CNTN1: variants seen among roughly 807,000 people sequenced by gnomAD.
CNTN1 encodes contactin 1, also known as contactin-1.
CNTN1 carries 38 observed loss-of-function variants against 126.4 expected under a neutral mutation model. The observed-to-expected ratio is 0.30, with a 90% CI of 0.23 to 0.39. The LOEUF (loss-of-function observed/expected upper bound fraction) is 0.39. Among genes scored for constraint, CNTN1 ranks in the 10% least tolerant of loss-of-function variants. The pLI, the probability that CNTN1 is intolerant of heterozygous loss-of-function variation, is 1.00. For missense variants in CNTN1, 1,009 were observed against 1,248.4 expected (o/e 0.81, Z 2.89); for synonymous variants, 413 against 422.6 (o/e 0.98, Z 0.28).
chr12:41,014,330 T>C, intron 18 of CNTN1, 32 bp downstream of exon 18: 6 of 1,606,490 alleles, frequency 3.7e-6, no homozygotes, highest in Non-Finnish European at 5.1e-6. Context: ...ATATTATAGG[T>C]TGCTGTATCT....
chr12:40,871,407 T>G (rs1274619890), intron 1 of CNTN1, among the ~76,000 whole-genome samples: 1 of 152,070 alleles, frequency 6.6e-6, no homozygotes, highest in East Asian at 1.9e-4. Context: ...TAAGCAATTT[T>G]ATAGAGAGTA....
chr12:40,969,120 C>G (rs1242542605), intron 15 of CNTN1, among the ~76,000 whole-genome samples: 1 of 152,112 alleles, frequency 6.6e-6, no homozygotes, highest in African/African-American at 2.4e-5. Flanking sequence ...ACGTAAAATC[C>G]CTTTCGAGCA....
intron 1 of CNTN1, among the ~76,000 whole-genome samples, chr12:40,843,512 T>C (rs1048907176): frequency 7.9e-5 from 12 of 152,208 alleles, no homozygotes; most frequent in Admixed American, 7.9e-4. Flanking sequence ...TCCCCAACAT[T>C]TGGCACATTG....
intron 1 of CNTN1, among the ~76,000 whole-genome samples, chr12:40,816,185 C>A (rs1244052801): frequency 6.6e-6 from 1 of 152,154 alleles, no homozygotes; most frequent in Non-Finnish European, 1.5e-5. Context: ...AGGGAGGAGT[C>A]CCTCCTTTTC....
intron 1 of CNTN1, chr12:40,828,341 A>G (rs1266557510): frequency 1.3e-5 from 2 of 152,164 alleles, no homozygotes; most frequent in African/African-American, 4.8e-5. Context: ...GTAATTGTAA[A>G]CTAGAATATG....
intron 1 of CNTN1, among the ~76,000 whole-genome samples, chr12:40,701,639 C>T (rs1040269125): frequency 8.6e-5 from 13 of 151,864 alleles, no homozygotes; most frequent in African/African-American, 3.1e-4. Flanking sequence ...TTTGTAAATG[C>T]CTAATGGATT....
Position 40,961,045 on chromosome 12 carries a change from C to T in CNTN1, c.1804+1811C>T, listed in dbSNP as rs577895695. On this transcript the variant is annotated intron_variant, in intron 15 of 23. Coordinates refer to ENST00000551295, the MANE Select transcript of CNTN1 (RefSeq NM_001843.4). The stretch of plus-strand genomic sequence containing the variant: ...ATGAAATGCAAGGGTAGTCATGATA[C>T]TAGCCACACATACTTAGGTAATTAA... 7.2e-5 allele frequency among the ~76,000 whole-genome samples: 11 copies of T among 152,032 alleles called. No homozygotes were observed. In the South Asian group the frequency reaches 2.3e-3, roughly 32 times the overall value.
chr12:40,925,529 T>TAG (rs1555181750), intron 6 of CNTN1, among the ~76,000 whole-genome samples: 1 of 141,274 alleles, frequency 7.1e-6, no homozygotes, highest in Non-Finnish European at 1.5e-5. Context: ...CCACATGAAA[T>TAG]TGTGTGTGTG....
At chr12:40,783,758 CTCT>C (rs968662291) in intron 1 of CNTN1, among the ~76,000 whole-genome samples, 6 of 152,254 alleles carry the variant, frequency 3.9e-5, no homozygotes, top group African/African-American at 1.4e-4. Context: ...AGAAGGGAAA[CTCT>C]TCTTATGCTA....
chr12:40,890,850 G>A (rs1944216201), intron 1 of CNTN1, among the ~76,000 whole-genome samples: 1 of 152,090 alleles, frequency 6.6e-6, no homozygotes. Context: ...CAACTTCTTT[G>A]TGTAAATACT....
intron 11 of CNTN1, among the ~76,000 whole-genome samples, chr12:40,938,774 T>C (rs1412613144): frequency 6.6e-6 from 1 of 152,104 alleles, no homozygotes; most frequent in East Asian, 1.9e-4. Context: ...TTGATTGAAA[T>C]TGAAGTTATT....
At chr12:41,003,849 A>G (rs1948424653) in intron 17 of CNTN1, among the ~76,000 whole-genome samples, 1 of 151,486 alleles carries the variant, frequency 6.6e-6, no homozygotes, top group South Asian at 2.1e-4. Context: ...TCTTTTCTTC[A>G]TTAGTCTAGT....
chr12:40,821,541 A>G (rs1300151491), intron 1 of CNTN1, among the ~76,000 whole-genome samples: 1 of 152,154 alleles, frequency 6.6e-6, no homozygotes, highest in African/African-American at 2.4e-5. Flanking sequence ...ATGGAGATTA[A>G]ATTGCAATTA....
intron 17 of CNTN1, among the ~76,000 whole-genome samples, chr12:41,004,813 G>T (rs1462678833): frequency 6.6e-6 from 1 of 152,012 alleles, no homozygotes; most frequent in Non-Finnish European, 1.5e-5. Context: ...TTATTTTGAG[G>T]CTATGAGTGT....
chr12:40,871,256 T>C (rs1049135119), intron 1 of CNTN1, among the ~76,000 whole-genome samples: 3 of 150,504 alleles, frequency 2.0e-5, no homozygotes, highest in African/African-American at 4.9e-5. Context: ...GGGTATGGTA[T>C]TCTGTGCTAT....
intron 12 of CNTN1, among the ~76,000 whole-genome samples, chr12:40,941,693 T>C (rs1240557827): frequency 3.3e-5 from 5 of 152,092 alleles, no homozygotes; most frequent in Middle Eastern, 3.2e-3. Flanking sequence ...AAACCACTTA[T>C]AGGAAGGGAT....
intron 1 of CNTN1, among the ~76,000 whole-genome samples, chr12:40,730,286 G>A (rs981501991): frequency 6.6e-6 from 1 of 152,228 alleles, no homozygotes; most frequent in Middle Eastern, 3.2e-3. Context: ...AGAAATGGGA[G>A]GGGCAAAGCC....
intron 1 of CNTN1, among the ~76,000 whole-genome samples, chr12:40,836,421 A>T (rs1942063337): frequency 6.6e-6 from 1 of 151,716 alleles, no homozygotes; most frequent in Non-Finnish European, 1.5e-5. Flanking sequence ...GAACACACTA[A>T]TTTATTAATT....
chr12:40,852,484 A>AT (rs1323605738), intron 1 of CNTN1, among the ~76,000 whole-genome samples: 2 of 150,534 alleles, frequency 1.3e-5, no homozygotes, highest in African/African-American at 4.9e-5. Context: ...CATATCATTC[A>AT]TTTACCCAAA....
Sources: allele counts gnomAD v4.1 joint callset (sites outside exome capture counted in the v4.1 genomes callset), GRCh38; gene constraint gnomAD v4.1.1; transcripts MANE v1.5; gene names NCBI Gene and HGNC (gene_info 2026-07-23, HGNC 2026-07-21).